Variants in CADPS observed in about 807,000 individuals in gnomAD.
CADPS encodes calcium dependent secretion activator.
A neutral mutation model predicts 167.3 loss-of-function variants in CADPS; 57 were observed. That is an observed-to-expected ratio of 0.34 (90% CI 0.28 to 0.42). CADPS has a LOEUF of 0.42. Ranked by LOEUF, CADPS falls within the 20% of genes least tolerant of loss-of-function variation. The pLI is 1.00. For missense variants in CADPS, 1,414 were observed against 1,738.1 expected, an observed-to-expected ratio of 0.81 and a Z score of 3.32; for synonymous variants, 676 against 635.3, an observed-to-expected ratio of 1.06 and a Z score of -0.96.
intron 1 of CADPS, among the ~76,000 whole-genome samples, chr3:62,871,867 A>G (rs934440895): frequency 1.3e-5 from 2 of 152,226 alleles, no homozygotes; most frequent in African/African-American, 4.8e-5. Context: ...TCTGTACCGT[A>G]TATCAATTTT....
chr3:62,823,220 T>G (rs1178419761), intron 1 of CADPS, among the ~76,000 whole-genome samples: 1 of 152,178 alleles, frequency 6.6e-6, no homozygotes, highest in Admixed American at 6.6e-5. Context: ...CAGGAATACT[T>G]GTGCTGCTAA....
At chr3:62,785,572 T>G (rs907999053) in intron 1 of CADPS, among the ~76,000 whole-genome samples, 2 of 152,178 alleles carry the variant, frequency 1.3e-5, no homozygotes, top group African/African-American at 4.8e-5. Flanking sequence ...GTGATACTGT[T>G]AAAGACCCAT....
intron 24 of CADPS, among the ~76,000 whole-genome samples, chr3:62,473,099 A>G (rs1372050775): frequency 1.3e-5 from 2 of 152,144 alleles, no homozygotes; most frequent in Non-Finnish European, 2.9e-5. Flanking sequence ...GCCCCAGATC[A>G]TTCATATGAG....
At chr3:62,582,458 CT>C (rs2083624700) in intron 8 of CADPS, among the ~76,000 whole-genome samples, 1 of 152,158 alleles carries the variant, frequency 6.6e-6, no homozygotes, top group Non-Finnish European at 1.5e-5. Flanking sequence ...AAAAATTTTT[CT>C]TTTCCTTTTT....
intron 3 of CADPS, among the ~76,000 whole-genome samples, chr3:62,675,381 T>C (rs2076185898): frequency 6.6e-6 from 1 of 152,198 alleles, no homozygotes; most frequent in Non-Finnish European, 1.5e-5. Flanking sequence ...ATCTAGAAAT[T>C]GCTTGATTCT....
chr3:62,850,239 C>G (rs374699437), intron 1 of CADPS, among the ~76,000 whole-genome samples: 5 of 134,646 alleles, frequency 3.7e-5, no homozygotes, highest in African/African-American at 1.1e-4. Context: ...TGGATTCATT[C>G]ATTTTTTGAA....
At chr3:62,831,693 G>A (rs922664738) in intron 1 of CADPS, among the ~76,000 whole-genome samples, 2 of 152,060 alleles carry the variant, frequency 1.3e-5, no homozygotes, top group Non-Finnish European at 2.9e-5. Flanking sequence ...ACTATAGTAG[G>A]AAGTGCTAAA....
chr3:62,672,982 A>G (rs2150830079), intron 3 of CADPS, among the ~76,000 whole-genome samples: 1 of 152,260 alleles, frequency 6.6e-6, no homozygotes, highest in African/African-American at 2.4e-5. Flanking sequence ...TTGCTACCTT[A>G]GGGGCCTTCT....
chr3:62,761,867 C>G (rs2085530400), intron 2 of CADPS, among the ~76,000 whole-genome samples: 1 of 152,200 alleles, frequency 6.6e-6, no homozygotes, highest in Non-Finnish European at 1.5e-5. Flanking sequence ...CAGCCCCCAG[C>G]CCTTGGCCCT....
intron 3 of CADPS, among the ~76,000 whole-genome samples, chr3:62,685,484 C>T (rs778781543): frequency 2.6e-5 from 4 of 151,872 alleles, no homozygotes; most frequent in African/African-American, 9.7e-5. Flanking sequence ...CTAATCCTAA[C>T]GTTTCAGTTT....
intron 1 of CADPS, among the ~76,000 whole-genome samples, chr3:62,831,657 T>C (rs146262585): frequency 6.6e-6 from 1 of 152,294 alleles, no homozygotes; most frequent in African/African-American, 2.4e-5. Context: ...ATCAGTATAT[T>C]CTCTACAGTA....
chr3:62,726,208 C>T (rs1321971183), intron 3 of CADPS, among the ~76,000 whole-genome samples: 1 of 151,870 alleles, frequency 6.6e-6, no homozygotes, highest in South Asian at 2.1e-4. Flanking sequence ...CTGTCTGCAG[C>T]TATTGTTGGT....
chr3:62,527,282 T>G (rs1386970142), intron 13 of CADPS, among the ~76,000 whole-genome samples: 1 of 152,198 alleles, frequency 6.6e-6, no homozygotes, highest in Non-Finnish European at 1.5e-5. Flanking sequence ...TTTCTTGACC[T>G]TGGCACTATT....
rs183920740 is a variant in CADPS, at chr3:62,580,275, T to A, written c.1577+4910A>T. 2.0e-5 allele frequency among the ~76,000 whole-genome samples: 3 copies of A among 152,318 alleles called. No homozygotes were observed. The East Asian group carries it at 5.8e-4, about 29-fold the overall frequency. ...GCAGCCATAAAAAAGGATGAGCTCA[T>A]GTCCTTTGTAGGGACATGGATGAAA... On this transcript the variant is annotated intron_variant, in intron 8 of 29. Coordinates refer to ENST00000383710, the MANE Select transcript of CADPS (RefSeq NM_003716.4).
At chr3:62,670,284 G>A (rs546078595) in intron 3 of CADPS, among the ~76,000 whole-genome samples, 60 of 152,228 alleles carry the variant, frequency 3.9e-4, no homozygotes, top group African/African-American at 1.4e-3. Context: ...ATCCATCCGA[G>A]TCTTCACTAA....
intron 28 of CADPS, among the ~76,000 whole-genome samples, chr3:62,428,549 A>G (rs2149551810): frequency 6.6e-6 from 1 of 152,190 alleles, no homozygotes; most frequent in East Asian, 1.9e-4. Context: ...AATCTCCTTC[A>G]GAGACTGGCA....
chr3:62,650,304 T>C (rs1353838112), intron 5 of CADPS, among the ~76,000 whole-genome samples: 2 of 152,210 alleles, frequency 1.3e-5, no homozygotes, highest in Admixed American at 1.3e-4. Flanking sequence ...TTAGATTATA[T>C]ACATATGAAA....
intron 1 of CADPS, among the ~76,000 whole-genome samples, chr3:62,777,946 T>C (rs562548026): frequency 1.7e-4 from 26 of 152,348 alleles, no homozygotes; most frequent in Admixed American, 1.4e-3. Context: ...GGCTGAATTG[T>C]ACTGAGGTTT....
intron 6 of CADPS, among the ~76,000 whole-genome samples, chr3:62,593,365 C>G (rs947507748): frequency 2.0e-5 from 3 of 152,222 alleles, no homozygotes; most frequent in Non-Finnish European, 2.9e-5. Flanking sequence ...GTTTTCCACA[C>G]ACGGGAGCCT....
Sources: allele counts gnomAD v4.1 joint callset (sites outside exome capture counted in the v4.1 genomes callset), GRCh38; gene constraint gnomAD v4.1.1; transcripts MANE v1.5; gene names NCBI Gene and HGNC (gene_info 2026-07-23, HGNC 2026-07-21).